TMEM132D: variants seen among roughly 807,000 people sequenced by gnomAD.
TMEM132D encodes transmembrane protein 132D.
In TMEM132D, 21 loss-of-function variants were observed where a neutral mutation model predicts 62.3. That is an observed-to-expected ratio of 0.34 (90% CI 0.24 to 0.49). TMEM132D has a LOEUF of 0.49. TMEM132D is among the 20% of genes least tolerant of loss of function. TMEM132D has a pLI of 0.99. For missense variants in TMEM132D, 1,346 were observed against 1,402.8 expected (o/e 0.96, Z 0.65); for synonymous variants, 621 against 575.6 (o/e 1.08, Z -1.13).
intron 4 of TMEM132D, among the ~76,000 whole-genome samples, chr12:129,214,140 G>T (rs1329037081): frequency 6.6e-6 from 1 of 152,196 alleles, no homozygotes; most frequent in African/African-American, 2.4e-5. Flanking sequence ...CTTGGACCTG[G>T]TCTGGAGAAC....
At chr12:129,868,056 C>T (rs1193066100) in intron 1 of TMEM132D, among the ~76,000 whole-genome samples, 6 of 152,040 alleles carry the variant, frequency 3.9e-5, no homozygotes, top group African/African-American at 9.6e-5. Context: ...CATGAGACAG[C>T]GTTTCTATGG....
intron 2 of TMEM132D, among the ~76,000 whole-genome samples, chr12:129,657,640 T>C (rs982536805): frequency 2.0e-5 from 3 of 152,214 alleles, no homozygotes; most frequent in Non-Finnish European, 4.4e-5. Flanking sequence ...GGTAAGTTAA[T>C]GGCAAACACA....
At chr12:129,824,896 G>A (rs1872622533) in intron 1 of TMEM132D, among the ~76,000 whole-genome samples, 1 of 152,180 alleles carries the variant, frequency 6.6e-6, no homozygotes, top group Non-Finnish European at 1.5e-5. Flanking sequence ...TAGAGAGCAG[G>A]CGAGAGAGCT....
chr12:129,376,990 C>A (rs569857678), intron 3 of TMEM132D, among the ~76,000 whole-genome samples: 22 of 152,316 alleles, frequency 1.4e-4, no homozygotes, highest in African/African-American at 4.3e-4. Context: ...CTCCACCTTG[C>A]GTTTGCTCAG....
At chr12:129,621,193 CA>C (rs1879057489) in intron 2 of TMEM132D, among the ~76,000 whole-genome samples, 1 of 152,048 alleles carries the variant, frequency 6.6e-6, no homozygotes, top group African/African-American at 2.4e-5. Flanking sequence ...AGGCACCAAG[CA>C]CACTCAGGCT....
chr12:129,733,871 G>T (rs1042212124), intron 1 of TMEM132D, among the ~76,000 whole-genome samples: 1 of 152,140 alleles, frequency 6.6e-6, no homozygotes, highest in Non-Finnish European at 1.5e-5. Context: ...CAGATGTGCC[G>T]CATGAGGCAT....
rs182540656 is a variant in TMEM132D, at chr12:129,758,792, T to A, written c.80-58094A>T. On this transcript the variant is annotated intron_variant, in intron 1 of 8. Transcript: ENST00000422113. Reference sequence around the variant, plus strand: ...TCATAGTTATTGTTTTTGGAAAACATATTTTGGAAGCTCAGAGAAATACTG... The same window carrying A: ...TCATAGTTATTGTTTTTGGAAAACAAATTTTGGAAGCTCAGAGAAATACTG... Among the ~76,000 whole-genome samples, 73 of 152,288 alleles carry A rather than the reference T, an allele frequency of 4.8e-4. 1 individual carries two copies. In the East Asian group the frequency reaches 0.013, roughly 27 times the overall value.
rs530935989 is a variant in TMEM132D, at chr12:129,896,153, TTG to T, written c.79+7106_79+7107del. ...CCTGGCTCATTTTTTTTGTTTTGTT[TTG>T]TTTTGTTTTTGTAGAGATGGAGTCT... is the stretch of plus-strand genomic sequence containing the variant. On this transcript the variant is annotated intron_variant, in intron 1 of 8. Coordinates refer to ENST00000422113, the MANE Select transcript of TMEM132D (RefSeq NM_133448.3). 1.6e-4 allele frequency among the ~76,000 whole-genome samples: 24 copies of T among 151,786 alleles called. No homozygotes were observed. In the South Asian group the frequency reaches 3.8e-3, roughly 24 times the overall value.
Position 129,081,782 on chromosome 12 carries a change from C to T in TMEM132D, c.1900G>A (p.Glu634Lys), listed in dbSNP as rs1565957173. The T allele has an allele frequency of 1.9e-6, 3 of 1,611,036 alleles. No homozygotes were observed. The highest frequency in any genetic ancestry group is 2.2e-5 in the South Asian group (2 of 90,802). Reference sequence around the variant, plus strand: ...ACCTGAATGGTGGTCATCCCAAGCTCCTGCCCCATCAGGATCTGTCCGCCT... The same window carrying T: ...ACCTGAATGGTGGTCATCCCAAGCTTCTGCCCCATCAGGATCTGTCCGCCT... The part of the protein sequence containing the change: ...LQGGQILMGQ[E>K]LGMTTIQILS... Residue 634 changes from glutamate to lysine, a missense_variant, in exon 7 of 9, where the codon GAG (glutamate) becomes AAG (lysine). Physicochemically the swap from Glu to Lys is moderately conservative, Grantham distance 56. Coordinates refer to ENST00000422113, the MANE Select transcript of TMEM132D (RefSeq NM_133448.3).
intron 2 of TMEM132D, among the ~76,000 whole-genome samples, chr12:129,635,606 T>C (rs1437933454): frequency 6.6e-6 from 1 of 152,234 alleles, no homozygotes; most frequent in Non-Finnish European, 1.5e-5. Context: ...AGGGGACTTG[T>C]GTTCCCTTCA....
At chr12:129,839,086 G>A (rs202189081) in intron 1 of TMEM132D, among the ~76,000 whole-genome samples, 2 of 134,300 alleles carry the variant, frequency 1.5e-5, no homozygotes, top group Non-Finnish European at 3.1e-5. Flanking sequence ...AATTAGCTGG[G>A]ATTACAGGCG....
intron 2 of TMEM132D, among the ~76,000 whole-genome samples, chr12:129,605,402 A>C (rs916693601): frequency 6.6e-6 from 1 of 151,740 alleles, no homozygotes; most frequent in Non-Finnish European, 1.5e-5. Context: ...TAAATCTCTC[A>C]CGTTATATGG....
chr12:129,297,825 G>A (rs991798531), intron 4 of TMEM132D, among the ~76,000 whole-genome samples: 2 of 152,100 alleles, frequency 1.3e-5, no homozygotes, highest in African/African-American at 4.8e-5. Context: ...GGCTGGGGAC[G>A]CTGCTCTCCC....
At chr12:129,438,996 G>A (rs965533721) in intron 3 of TMEM132D, among the ~76,000 whole-genome samples, 17 of 152,156 alleles carry the variant, frequency 1.1e-4, no homozygotes, top group African/African-American at 3.4e-4. Flanking sequence ...TCTGCTGTCC[G>A]TGATCTTCTC....
chr12:129,407,315 C>G (rs3916141), intron 3 of TMEM132D, among the ~76,000 whole-genome samples: 81,240 of 151,954 alleles, frequency 0.53, 22,636 homozygotes, highest in Non-Finnish European at 0.63. Context: ...TACAACACAA[C>G]ACTTGTAACA....
chr12:129,342,911 G>A (rs1869543817), intron 3 of TMEM132D, among the ~76,000 whole-genome samples: 1 of 152,146 alleles, frequency 6.6e-6, no homozygotes, highest in Non-Finnish European at 1.5e-5. Context: ...GCGATCATTA[G>A]AAAGTCAGGA....
chr12:129,603,246 G>C (rs1878529012), intron 2 of TMEM132D, among the ~76,000 whole-genome samples: 2 of 152,158 alleles, frequency 1.3e-5, no homozygotes, highest in Admixed American at 6.5e-5. Flanking sequence ...TGTACCCACT[G>C]TTACCATATC....
At chr12:129,401,567 T>C (rs1378161175) in intron 3 of TMEM132D, among the ~76,000 whole-genome samples, 1 of 151,742 alleles carries the variant, frequency 6.6e-6, no homozygotes, top group Non-Finnish European at 1.5e-5. Context: ...AGACGCTGCC[T>C]TAAAAAAAAA....
intron 4 of TMEM132D, among the ~76,000 whole-genome samples, chr12:129,228,082 A>G (rs12581189): frequency 0.021 from 3,149 of 152,304 alleles, 213 homozygotes; most frequent in East Asian, 0.19. Flanking sequence ...GCTGGGCAAC[A>G]TTGGGTGGAT....
Sources: allele counts gnomAD v4.1 joint callset (sites outside exome capture counted in the v4.1 genomes callset), GRCh38; gene constraint gnomAD v4.1.1; transcripts MANE v1.5; gene names NCBI Gene and HGNC (gene_info 2026-07-23, HGNC 2026-07-21).